Variants in VWC2L observed in about 807,000 individuals in gnomAD.
VWC2L encodes von Willebrand factor C domain containing 2 like.
VWC2L carries 10 observed loss-of-function variants against 21.6 expected under a neutral mutation model. The observed-to-expected ratio is 0.46, with a 90% CI of 0.29 to 0.78. VWC2L has a LOEUF of 0.78. Ranked by LOEUF, VWC2L falls within the 30% of genes least tolerant of loss-of-function variation. VWC2L has a pLI of 0.10. For missense variants in VWC2L, 209 were observed against 277.1 expected (o/e 0.75, Z 1.74); for synonymous variants, 96 against 94.3 (o/e 1.02, Z -0.10).
intron 2 of VWC2L, 96 bp from the exon 3 acceptor site, chr2:214,436,533 A>C (rs909270778): frequency 3.4e-6 from 5 of 1,456,700 alleles, no homozygotes; most frequent in Non-Finnish European, 4.7e-6. Flanking sequence ...AGTAAAGCCA[A>C]TATAATAAGC....
At chr2:214,548,628 C>T (rs570463811) in intron 3 of VWC2L, among the ~76,000 whole-genome samples, 3 of 152,304 alleles carry the variant, frequency 2.0e-5, no homozygotes, top group Admixed American at 6.5e-5. Flanking sequence ...TCAAATCCAA[C>T]CAAGTTGTTA....
At chr2:214,508,033 G>C (rs967984016) in intron 3 of VWC2L, among the ~76,000 whole-genome samples, 1 of 152,140 alleles carries the variant, frequency 6.6e-6, no homozygotes, top group African/African-American at 2.4e-5. Context: ...CTGGAGTGCA[G>C]TGGCGTGATC....
At chr2:214,444,655 T>TTTTATATA (rs1702813052) in intron 3 of VWC2L, among the ~76,000 whole-genome samples, 1 of 151,970 alleles carries the variant, frequency 6.6e-6, no homozygotes, top group East Asian at 1.9e-4. Flanking sequence ...TATATAAAGA[T>TTTTATATA]GTAATTTTAA....
intron 3 of VWC2L, among the ~76,000 whole-genome samples, chr2:214,487,760 G>C (rs762737432): frequency 1.3e-5 from 2 of 152,200 alleles, no homozygotes; most frequent in Non-Finnish European, 2.9e-5. Context: ...GAGAATAGCT[G>C]GAGGTCAGGA....
chr2:214,459,638 T>C (rs1358344013), intron 3 of VWC2L, among the ~76,000 whole-genome samples: 2 of 152,120 alleles, frequency 1.3e-5, no homozygotes, highest in East Asian at 3.9e-4. Context: ...TCTTAAGCAT[T>C]TCTGTTGGAC....
At chr2:214,573,652 G>A (rs1281782880) in intron 3 of VWC2L, among the ~76,000 whole-genome samples, 1 of 152,184 alleles carries the variant, frequency 6.6e-6, no homozygotes, top group Non-Finnish European at 1.5e-5. Flanking sequence ...AAACCTCTCT[G>A]CCAAGTTCTC....
chr2:214,482,234 G>T (rs1369073745), intron 3 of VWC2L, among the ~76,000 whole-genome samples: 1 of 152,108 alleles, frequency 6.6e-6, no homozygotes, highest in African/African-American at 2.4e-5. Flanking sequence ...GCTCTTCGGT[G>T]CTCACCAATA....
intron 3 of VWC2L, among the ~76,000 whole-genome samples, chr2:214,532,645 G>A (rs1023760452): frequency 1.3e-5 from 2 of 152,044 alleles, no homozygotes; most frequent in East Asian, 3.9e-4. Flanking sequence ...AAACTATCAA[G>A]CATTTTTGTG....
At position 214,436,745 on chromosome 2, in the gene VWC2L, T is replaced by C; in HGVS notation, c.507T>C (p.Pro169=). ...NPVYEPEQCC[P]VCKNGPNCFA... ...TCTATGAACCAGAACAATGTTGTCC[T>C]GTCTGCAAAAATGGTAAGACCACAC... Residue 169 remains proline, a synonymous_variant, in exon 3 of 4, where the codon CCT becomes CCC. Coordinates refer to ENST00000312504, the MANE Select transcript of VWC2L (RefSeq NM_001080500.4). 6.2e-7 allele frequency: 1 copy of C among 1,613,212 alleles called. No individual in the cohort carries two copies. The highest frequency in any genetic ancestry group is 8.5e-7 in the Non-Finnish European group (1 of 1,179,318).
intron 3 of VWC2L, among the ~76,000 whole-genome samples, chr2:214,550,592 G>A (rs991282948): frequency 1.3e-5 from 2 of 152,038 alleles, no homozygotes; most frequent in Non-Finnish European, 2.9e-5. Flanking sequence ...CAGAAACTAG[G>A]AATGAGCTAG....
At position 214,436,776 on chromosome 2, in the gene VWC2L, T is replaced by A; in HGVS notation, c.520+18T>A. On this transcript the variant is annotated intron_variant, in intron 3 of 3. Coordinates refer to ENST00000312504, the MANE Select transcript of VWC2L (RefSeq NM_001080500.4). ...CAAAAATGGTAAGACCACACTGCATTAGCTTTTGAAGAGGGGTTCGCACAA... is the reference window on the plus strand; with the variant it reads ...CAAAAATGGTAAGACCACACTGCATAAGCTTTTGAAGAGGGGTTCGCACAA... 6.2e-7 allele frequency: 1 copy of A among 1,612,446 alleles called. No individual in the cohort carries two copies.
chr2:214,489,118 C>T (rs1004147160), intron 3 of VWC2L, among the ~76,000 whole-genome samples: 2 of 152,128 alleles, frequency 1.3e-5, no homozygotes, highest in African/African-American at 4.8e-5. Flanking sequence ...AACCAGAGGC[C>T]TGTTTTGGGT....
intron 3 of VWC2L, among the ~76,000 whole-genome samples, chr2:214,509,898 GAAAC>G (rs1178458807): frequency 4.6e-5 from 7 of 152,068 alleles, no homozygotes; most frequent in African/African-American, 7.2e-5. Context: ...CCTTTTGAAG[GAAAC>G]AAACAAGTTT....
intron 2 of VWC2L, among the ~76,000 whole-genome samples, chr2:214,435,415 G>C (rs942484055): frequency 2.6e-5 from 4 of 152,120 alleles, no homozygotes; most frequent in Non-Finnish European, 4.4e-5. Flanking sequence ...TGAAAGCAAA[G>C]TAATTTAAAG....
intron 3 of VWC2L, among the ~76,000 whole-genome samples, chr2:214,492,886 G>A (rs923288631): frequency 1.3e-5 from 2 of 152,174 alleles, no homozygotes; most frequent in African/African-American, 4.8e-5. Context: ...CATAAAGGAT[G>A]TGAGTTTGCT....
chr2:214,525,318 G>A (rs1033735010), intron 3 of VWC2L: 16 of 152,056 alleles, frequency 1.1e-4, no homozygotes, highest in African/African-American at 2.7e-4. Flanking sequence ...ACAAAAGTTT[G>A]CACACAAGTA....
At chr2:214,413,444 T>G (rs1559282791) in intron 1 of VWC2L, among the ~76,000 whole-genome samples, 1 of 152,130 alleles carries the variant, frequency 6.6e-6, no homozygotes, top group African/African-American at 2.4e-5. Context: ...TTATTTATTA[T>G]TTCAAATTTT....
intron 3 of VWC2L, among the ~76,000 whole-genome samples, chr2:214,542,238 T>C (rs189530677): frequency 3.5e-3 from 536 of 152,272 alleles, no homozygotes; most frequent in African/African-American, 0.011. Flanking sequence ...TGATCATGTA[T>C]ACACAAACCC....
intron 3 of VWC2L, among the ~76,000 whole-genome samples, chr2:214,461,334 T>C (rs1038316760): frequency 6.6e-6 from 1 of 152,154 alleles, no homozygotes; most frequent in African/African-American, 2.4e-5. Flanking sequence ...GCATAGGCAA[T>C]GGCAGTAGCA....
Sources: gnomAD v4.1 joint callset for allele counts (sites outside exome capture counted in the v4.1 genomes callset) on GRCh38, gnomAD v4.1.1 for gene constraint, MANE v1.5 for transcripts, NCBI Gene and HGNC (gene_info 2026-07-23, HGNC 2026-07-21) for gene names.